DOCK3: variants seen among roughly 807,000 people sequenced by gnomAD.
DOCK3 encodes the protein dedicator of cytokinesis 3.
Under a neutral mutation model 265.6 loss-of-function variants are expected in DOCK3, and 60 were observed. That is an observed-to-expected ratio of 0.23 (90% CI 0.18 to 0.28). The LOEUF is 0.28. DOCK3 is among the 10% of genes least tolerant of loss of function. DOCK3 has a pLI of 1.00. For missense variants in DOCK3, 1,981 were observed against 2,594.3 expected, an observed-to-expected ratio of 0.76 and a Z score of 5.14; for synonymous variants, 881 against 938.0, an observed-to-expected ratio of 0.94 and a Z score of 1.11.
intron 2 of DOCK3, chr3:50,787,782 A>G (rs2042260369): frequency 1.8e-6 from 2 of 1,123,958 alleles, no homozygotes; most frequent in South Asian, 2.4e-5. Flanking sequence ...CATTCTCTCC[A>G]TAGTCATTGC....
At chr3:51,291,220 C>T (rs1157704315) in intron 27 of DOCK3, among the ~76,000 whole-genome samples, 1 of 151,816 alleles carries the variant, frequency 6.6e-6, no homozygotes. Context: ...CTCAAACAAC[C>T]CAATGTCACA....
intron 2 of DOCK3, among the ~76,000 whole-genome samples, chr3:50,781,031 C>T (rs2041881555): frequency 6.6e-6 from 1 of 151,896 alleles, no homozygotes; most frequent in Non-Finnish European, 1.5e-5. Flanking sequence ...GTATATACAA[C>T]ATATTTTCTT....
intron 2 of DOCK3, among the ~76,000 whole-genome samples, chr3:50,806,123 C>T (rs996966717): frequency 9.9e-5 from 15 of 151,750 alleles, no homozygotes; most frequent in Non-Finnish European, 2.9e-5. Flanking sequence ...TAGAAGTGGC[C>T]CATAGGGCTG....
chr3:51,260,057 G>A (rs2079770707), intron 22 of DOCK3, 99 bp from the exon 23 acceptor site: 3 of 1,216,172 alleles, frequency 2.5e-6, no homozygotes, highest in Middle Eastern at 2.0e-4. Flanking sequence ...ACCTGATTTT[G>A]GTATAGAAAC....
intron 5 of DOCK3, among the ~76,000 whole-genome samples, chr3:50,995,292 TA>T (rs1433059045): frequency 6.6e-6 from 1 of 152,234 alleles, no homozygotes; most frequent in African/African-American, 2.4e-5. Flanking sequence ...AGTTTCTGTT[TA>T]AACAGACTAG....
chr3:50,788,167 G>A (rs569849850), intron 2 of DOCK3: 2 of 744,308 alleles, frequency 2.7e-6, no homozygotes, highest in African/African-American at 1.8e-5. Flanking sequence ...GTTCCTTGTG[G>A]CACCATGATG....
chr3:50,687,412 A>G (rs2034905824), intron 1 of DOCK3, among the ~76,000 whole-genome samples: 2 of 152,202 alleles, frequency 1.3e-5, no homozygotes, highest in African/African-American at 4.8e-5. Context: ...TGCGTCACTG[A>G]AATGTGCTGC....
intron 35 of DOCK3, among the ~76,000 whole-genome samples, chr3:51,336,339 T>TG (rs2084871636): frequency 1.3e-5 from 2 of 149,282 alleles, no homozygotes; most frequent in African/African-American, 5.0e-5. Context: ...AGGGTTTTTT[T>TG]GTTTTTTTTT....
At chr3:50,731,816 T>A (rs1349968997) in intron 1 of DOCK3, among the ~76,000 whole-genome samples, 1 of 152,162 alleles carries the variant, frequency 6.6e-6, no homozygotes, top group Non-Finnish European at 1.5e-5. Flanking sequence ...AAAACAATGA[T>A]ATCTGCCTTC....
chr3:51,223,896 A>G (rs968510782), intron 14 of DOCK3, among the ~76,000 whole-genome samples: 2 of 152,142 alleles, frequency 1.3e-5, no homozygotes, highest in Admixed American at 6.5e-5. Flanking sequence ...TGTCTTTCCC[A>G]CCCAAACCTA....
In DOCK3 at chr3:50,778,767, G is replaced by A; in HGVS notation, c.121+9G>A. 1 of 1,552,320 alleles carries A rather than the reference G, an allele frequency of 6.4e-7. No individual in the cohort carries two copies. The highest frequency in any genetic ancestry group is 8.8e-7 in the Non-Finnish European group (1 of 1,141,870). The stretch of plus-strand genomic sequence containing the variant: ...TCTTGAAAAATGTGAAGGTGAGTAT[G>A]GACCTACAAAGCACATAAATTGTGA... On this transcript the variant is annotated intron_variant, in intron 2 of 52. Transcript: ENST00000266037.
chr3:51,068,233 G>C (rs2081678666), intron 6 of DOCK3, among the ~76,000 whole-genome samples: 1 of 152,122 alleles, frequency 6.6e-6, no homozygotes, highest in South Asian at 2.1e-4. Flanking sequence ...TTCATGCACT[G>C]TTGTAACGAA....
In DOCK3 at chr3:51,229,496, TG is replaced by T; in HGVS notation, c.1820-13del. 1 of 1,557,000 alleles carries T rather than the reference TG, an allele frequency of 6.4e-7. No individual in the cohort carries two copies. Among genetic ancestry groups the T allele is most frequent in the Non-Finnish European group, 8.7e-7 (1 of 1,154,860 alleles). On this transcript the variant is annotated splice_polypyrimidine_tract_variant and intron_variant, in intron 18 of 52. Coordinates refer to ENST00000266037, the MANE Select transcript of DOCK3 (RefSeq NM_004947.5). ...CAGGTTTCAAGGGTTCCTCATCTTT[TG>T]GGCTTGCTTTCTAGTGGACCTCCTA...
intron 4 of DOCK3, among the ~76,000 whole-genome samples, chr3:50,919,019 T>A (rs541793086): frequency 4.4e-4 from 67 of 152,334 alleles, no homozygotes; most frequent in African/African-American, 1.6e-3. Context: ...AAATAGGGAA[T>A]CCTTTCCCCA....
rs547514182 is a variant in DOCK3 at position 50,922,338 on chromosome 3, T to C, written c.219-11643T>C. The stretch of plus-strand genomic sequence containing the variant: ...CTAGCAGTGATCGAGGCTCCGTGGG[T>C]GTAGGACCCCCTGAGCCAGGCATGG... On this transcript the variant is annotated intron_variant, in intron 4 of 52. Coordinates refer to ENST00000266037, the MANE Select transcript of DOCK3 (RefSeq NM_004947.5). Among the ~76,000 whole-genome samples, 6 of 152,142 alleles carry C rather than the reference T, an allele frequency of 3.9e-5. No individual in the cohort carries two copies. The South Asian group carries it at 1.2e-3, about 32-fold the overall frequency.
intron 5 of DOCK3, 81 bp from the exon 6 acceptor site, chr3:51,064,367 T>C: frequency 6.5e-7 from 1 of 1,541,542 alleles, no homozygotes. Flanking sequence ...GCACTTTTCA[T>C]AGTTTAACTA....
At chr3:51,277,955 T>G in intron 26 of DOCK3, 1 of 985,402 alleles carries the variant, frequency 1.0e-6, no homozygotes, top group Non-Finnish European at 1.2e-6. Flanking sequence ...CCCAGGACTC[T>G]TCTTTAGGGC....
intron 5 of DOCK3, among the ~76,000 whole-genome samples, chr3:51,044,072 T>C (rs1039396721): frequency 5.3e-5 from 8 of 152,096 alleles, no homozygotes; most frequent in African/African-American, 1.9e-4. Flanking sequence ...AATCCCAATA[T>C]TGTGTATATA....
At chr3:51,068,343 A>G (rs538134549) in intron 6 of DOCK3, among the ~76,000 whole-genome samples, 91 of 152,016 alleles carry the variant, frequency 6.0e-4, no homozygotes, top group African/African-American at 2.2e-3. Flanking sequence ...GATCGAGACC[A>G]TCCTGGCTAA....
Sources: allele counts gnomAD v4.1 joint callset (sites outside exome capture counted in the v4.1 genomes callset), GRCh38; gene constraint gnomAD v4.1.1; transcripts MANE v1.5; gene names NCBI Gene and HGNC (gene_info 2026-07-23, HGNC 2026-07-21).